The following NCKAP1 variants were observed in gnomAD, a reference collection of about 807,000 sequenced individuals.
NCKAP1 encodes nck-associated protein 1.
Under a neutral mutation model 151.2 loss-of-function variants are expected in NCKAP1, and 21 were observed. That is an observed-to-expected ratio of 0.14 (90% CI 0.10 to 0.20). The LOEUF (loss-of-function observed/expected upper bound fraction) is 0.20. NCKAP1 is among the 10% of genes least tolerant of loss of function. The probability of loss-of-function intolerance (pLI) is 1.00; values close to 1 mark genes in which losing one functional copy is unlikely to be tolerated. For synonymous variants in NCKAP1, 484 were observed against 451.8 expected (o/e 1.07, Z -0.90); for missense variants, 933 against 1,352.1 (o/e 0.69, Z 4.86).
chr2:182,943,428 T>C (rs527483140), intron 23 of NCKAP1, among the ~76,000 whole-genome samples: 2 of 152,290 alleles, frequency 1.3e-5, no homozygotes, highest in South Asian at 4.1e-4. Context: ...TCTAGTCACA[T>C]TTATTTGCTG....
At chr2:183,037,892 C>T (rs1699135494) in intron 1 of NCKAP1, 100 bp downstream of exon 1, 1 of 894,288 alleles carries the variant, frequency 1.1e-6, no homozygotes, top group Non-Finnish European at 1.6e-6. Flanking sequence ...GAGATTTCTA[C>T]ACCCGGCGCC....
chr2:182,920,350 G>C lies in NCKAP1; in HGVS notation c.*5352C>G, dbSNP rs2105790640. ...GGAAGATGCTAAAACTGGTGTTCATGCAATTAAAGATGACATGAACATAGA... is the reference window on the plus strand; with the variant it reads ...GGAAGATGCTAAAACTGGTGTTCATCCAATTAAAGATGACATGAACATAGA... On this transcript the variant is annotated 3_prime_UTR_variant, in exon 31 of 31. Transcript: ENST00000361354. 6.6e-6 allele frequency: 1 copy of C among 152,216 alleles called. No homozygotes were observed. The highest frequency in any genetic ancestry group is 2.4e-5 in the African/African-American group (1 of 41,524). 9.4% of individuals were successfully genotyped at this position (152,216 alleles called of 1,614,324 possible).
chr2:183,006,298 T>C (rs1698471135), intron 2 of NCKAP1, among the ~76,000 whole-genome samples: 1 of 152,218 alleles, frequency 6.6e-6, no homozygotes, highest in Non-Finnish European at 1.5e-5. Context: ...CAAGATAATG[T>C]ACATAAGAAT....
chr2:182,958,107 C>T (rs1697362795), intron 18 of NCKAP1, among the ~76,000 whole-genome samples: 1 of 152,146 alleles, frequency 6.6e-6, no homozygotes, highest in African/African-American at 2.4e-5. Flanking sequence ...AAGACAGCGA[C>T]AATTTTTTAA....
chr2:182,952,841 T>C lies in NCKAP1; in HGVS notation c.2455A>G (p.Thr819Ala). Residue 819 changes from threonine (T) to alanine (A), a missense_variant, in exon 22 of 31, where the codon ACA becomes GCA. Physicochemically the swap from Thr to Ala is moderately conservative, Grantham distance 58. Coordinates refer to ENST00000361354, the MANE Select transcript of NCKAP1 (RefSeq NM_013436.5). ...GCATTGAATGTTAATTCATTTTCTGTAGGTAAGTTCACAAACGCTTTCATT... is the reference window on the plus strand; with the variant it reads ...GCATTGAATGTTAATTCATTTTCTGCAGGTAAGTTCACAAACGCTTTCATT... ...PAMKAFVNLP[T>A]ENELTFNAEE... is the part of the protein sequence containing the mutation. 6.2e-7 allele frequency: 1 copy of C among 1,611,910 alleles called. No individual in the cohort carries two copies.
rs1696525412 is a variant in NCKAP1 at position 182,919,983 on chromosome 2, T to A, written c.*5719A>T. 6.6e-6 allele frequency: 1 copy of A among 152,148 alleles called. No homozygotes were observed. Among genetic ancestry groups the A allele is most frequent in the Non-Finnish European group, 1.5e-5 (1 of 68,052 alleles). 9.4% of individuals were successfully genotyped at this position (152,148 alleles called of 1,614,324 possible). A position where few individuals can be genotyped will look rare whatever the true frequency, so the allele number is the denominator to read the frequency against. On this transcript the variant is annotated 3_prime_UTR_variant, in exon 31 of 31. Transcript: ENST00000361354. ...ATTATCGAGACCGGCTCTTGCTCTG[T>A]CACCTAGGCTGGAGCGCACTGGTAT...
Position 182,917,709 on chromosome 2 carries a change from T to C in NCKAP1, c.*7993A>G, listed in dbSNP as rs960899471. On this transcript the variant is annotated 3_prime_UTR_variant, in exon 31 of 31. Coordinates refer to ENST00000361354, the MANE Select transcript of NCKAP1 (RefSeq NM_013436.5). ...CAACAGCTGCGTTACCTTCAGAAAA[T>C]AGTAAAAACCATTTTTGTTAACATA... 3 of 152,136 alleles carry C rather than the reference T, an allele frequency of 2.0e-5. No homozygotes were observed. The highest frequency in any genetic ancestry group is 4.4e-5 in the Non-Finnish European group (3 of 68,016). The allele number at this position is 152,136 out of a possible 1,614,324, so 9.4% of individuals were successfully genotyped here.
Position 182,976,887 on chromosome 2 carries a change from T to C in NCKAP1, c.1482+6A>G. ...AAACAGAATGACAATAAAAGGTTAT[T>C]CTTACCTGTAACCTAAACCAATCTA... On this transcript the variant is annotated splice_donor_region_variant and intron_variant, in intron 15 of 30. Coordinates refer to ENST00000361354, the MANE Select transcript of NCKAP1 (RefSeq NM_013436.5). The C allele has an allele frequency of 6.7e-7, 1 of 1,497,714 alleles. No homozygotes were observed. Among genetic ancestry groups the C allele is most frequent in the Admixed American group, 2.3e-5 (1 of 42,888 alleles). 92.8% of individuals were successfully genotyped at this position (1,497,714 alleles called of 1,614,324 possible).
intron 23 of NCKAP1, among the ~76,000 whole-genome samples, chr2:182,949,149 T>A (rs1376489905): frequency 6.6e-6 from 1 of 152,170 alleles, no homozygotes; most frequent in Non-Finnish European, 1.5e-5. Context: ...TAAATCAACA[T>A]AAACTAGAGA....
rs1368637958 is a variant in NCKAP1, at chr2:182,926,907, T to TTAAAAGTA, written c.3181-10_3181-3dup. The TTAAAAGTA allele has an allele frequency of 1.9e-6, 3 of 1,588,936 alleles. No homozygotes were observed. Among genetic ancestry groups the TTAAAAGTA allele is most frequent in the Non-Finnish European group, 2.6e-6 (3 of 1,161,504 alleles). ...TTTCAGTAGACTGGAGGATGCAAGCTTAAAAGTATACATACACATAAAGTG... is the reference window on the plus strand; with the variant it reads ...TTTCAGTAGACTGGAGGATGCAAGCTTAAAAGTATAAAAGTATACATACACATAAAGTG... On this transcript the variant is annotated splice_polypyrimidine_tract_variant and splice_region_variant and intron_variant, in intron 29 of 30. Coordinates refer to ENST00000361354, the MANE Select transcript of NCKAP1 (RefSeq NM_013436.5).
chr2:182,952,857 C>T lies in NCKAP1; in HGVS notation c.2439G>A (p.Ala813=), dbSNP rs377516224. The T allele has an allele frequency of 3.3e-4, 525 of 1,611,938 alleles. 1 individual carries two copies. Among genetic ancestry groups the T allele is most frequent in the South Asian group, 1.7e-3 (157 of 90,800 alleles). Residue 813 remains alanine (A), a synonymous_variant, in exon 22 of 31, where the codon GCG becomes GCA. Transcript: ENST00000361354. The part of the protein sequence containing the change: ...GHIAYFPAMK[A]FVNLPTENEL... ...CATTTTCTGTAGGTAAGTTCACAAA[C>T]GCTTTCATTGCAGGAAAATATGCTA... is the stretch of plus-strand genomic sequence containing the variant.
At position 182,911,349 on chromosome 2, in the gene NCKAP1, C is replaced by G. The variant is rs1696390910; in HGVS notation, c.*14353G>C. 6.6e-6 allele frequency: 1 copy of G among 152,136 alleles called. No homozygotes were observed. Among genetic ancestry groups the G allele is most frequent in the South Asian group, 2.1e-4 (1 of 4,822 alleles). The allele number at this position is 152,136 out of a possible 1,614,324, so 9.4% of individuals were successfully genotyped here. A position where few individuals can be genotyped will look rare whatever the true frequency, so the allele number is the denominator to read the frequency against. On this transcript the variant is annotated 3_prime_UTR_variant, in exon 31 of 31. Coordinates refer to ENST00000361354, the MANE Select transcript of NCKAP1 (RefSeq NM_013436.5). ...CCACCCTTGGATCATGCTAACACCA[C>G]TAAGCCTTACATAGTGGGGAATTCA...
chr2:182,963,277 C>T (rs924445207), intron 17 of NCKAP1, among the ~76,000 whole-genome samples: 1 of 151,998 alleles, frequency 6.6e-6, no homozygotes, highest in Non-Finnish European at 1.5e-5. Flanking sequence ...TTTGTTTAAT[C>T]AAATTCTGAC....
At chr2:183,026,581 C>T (rs1006396979) in intron 1 of NCKAP1, among the ~76,000 whole-genome samples, 3 of 151,878 alleles carry the variant, frequency 2.0e-5, no homozygotes, top group Admixed American at 6.6e-5. Context: ...CTCAGTGGAC[C>T]TTATCTAACA....
In NCKAP1 at chr2:182,957,521, C is replaced by G; in HGVS notation, c.1957G>C (p.Gly653Arg). 6.2e-7 allele frequency: 1 copy of G among 1,614,050 alleles called. No homozygotes were observed. Among genetic ancestry groups the G allele is most frequent in the Non-Finnish European group, 8.5e-7 (1 of 1,179,954 alleles). The part of the protein sequence containing the change: ...KKSKKQTGKK[G>R]EPEREKPGVE... ...CCTGGTTTCTCCCTTTCAGGTTCCC[C>G]TTTCTTACCAGTCTGCTTTTTTGAT... Residue 653 changes from glycine to arginine, a missense_variant, in exon 19 of 31, where the codon GGG (glycine) becomes CGG (arginine). By Grantham distance (125) the Gly-to-Arg change is moderately radical (BLOSUM62 -2). Around this residue, in one of 2 missense-constraint regions of NCKAP1, gnomAD observed 607 missense variants for 795.0 expected, o/e 0.76. Transcript: ENST00000361354.
chr2:183,002,848 C>T, intron 4 of NCKAP1, 126 bp downstream of exon 4: 2 of 620,424 alleles, frequency 3.2e-6, no homozygotes, highest in East Asian at 5.7e-5. Context: ...AGCTATAAAA[C>T]AAGCCAAATT....
In NCKAP1 at chr2:182,913,288, A is replaced by T. The variant is rs1696423229; in HGVS notation, c.*12414T>A. On this transcript the variant is annotated 3_prime_UTR_variant, in exon 31 of 31. Coordinates refer to ENST00000361354, the MANE Select transcript of NCKAP1 (RefSeq NM_013436.5). ...GCTTGAATGTGTCCCCGAAAAGTTC[A>T]TGTGTTGGAAATTTGGTCCCCAGTG... 1 of 152,258 alleles carries T rather than the reference A, an allele frequency of 6.6e-6. No homozygotes were observed. The allele number at this position is 152,258 out of a possible 1,614,324, so 9.4% of individuals were successfully genotyped here.
rs966922815 is a variant in NCKAP1 at position 182,920,717 on chromosome 2, A to C, written c.*4985T>G. 6 of 152,040 alleles carry C rather than the reference A, an allele frequency of 3.9e-5. No homozygotes were observed. The highest frequency in any genetic ancestry group is 1.5e-4 in the African/African-American group (6 of 41,370). 9.4% of individuals were successfully genotyped at this position (152,040 alleles called of 1,614,324 possible). A position where few individuals can be genotyped will look rare whatever the true frequency, so the allele number is the denominator to read the frequency against. ...TACGAGGGCATTAATCCCATTCATG[A>C]AGGCTCCACTCTCATGACCTAATCA... On this transcript the variant is annotated 3_prime_UTR_variant, in exon 31 of 31. Coordinates refer to ENST00000361354, the MANE Select transcript of NCKAP1 (RefSeq NM_013436.5).
intron 15 of NCKAP1, among the ~76,000 whole-genome samples, chr2:182,972,357 A>T (rs1697717626): frequency 2.0e-5 from 3 of 152,138 alleles, no homozygotes; most frequent in Admixed American, 2.0e-4. Flanking sequence ...AGAAATGCAA[A>T]TTAAAACCAC....
Sources: allele counts gnomAD v4.1 joint callset (sites outside exome capture counted in the v4.1 genomes callset), GRCh38; gene constraint gnomAD v4.1.1; regional missense constraint gnomAD v4.1.1; transcripts MANE v1.5; gene names NCBI Gene and HGNC (gene_info 2026-07-23, HGNC 2026-07-21).